The following RBPJ variants were observed in gnomAD, a reference collection of about 807,000 sequenced individuals.
RBPJ encodes the protein recombination signal binding protein for immunoglobulin kappa J region, also known as recombining binding protein suppressor of hairless.
In RBPJ, 9 loss-of-function variants were observed where a neutral mutation model predicts 67.8. The ratio of observed to expected loss-of-function variants is 0.13; its 90% CI spans 0.08 to 0.23. The LOEUF is 0.23. Among genes scored for constraint, RBPJ ranks in the 10% least tolerant of loss-of-function variants. The pLI is 1.00. For synonymous variants in RBPJ, 198 were observed against 203.3 expected, an observed-to-expected ratio of 0.97 and a Z score of 0.22; for missense variants, 305 against 595.6, an observed-to-expected ratio of 0.51 and a Z score of 5.08.
chr4:26,333,268 C>T (rs767541819), intron 1 of RBPJ, among the ~76,000 whole-genome samples: 51 of 152,224 alleles, frequency 3.4e-4, no homozygotes, highest in Admixed American at 7.2e-4. Flanking sequence ...GAAATGGAAA[C>T]GCTGACATTC....
intron 1 of RBPJ, among the ~76,000 whole-genome samples, chr4:26,351,992 C>A (rs968338115): frequency 2.0e-5 from 3 of 152,056 alleles, no homozygotes; most frequent in African/African-American, 7.2e-5. Flanking sequence ...CCCTTTCATA[C>A]CTACTTTGGG....
chr4:26,267,671 G>A (rs975943397), intron 1 of RBPJ, among the ~76,000 whole-genome samples: 4 of 151,740 alleles, frequency 2.6e-5, no homozygotes, highest in East Asian at 1.9e-4. Context: ...ACAGTGGCAC[G>A]ATCTCGGCTC....
chr4:26,376,838 T>C (rs115589796), intron 1 of RBPJ, among the ~76,000 whole-genome samples: 28 of 152,360 alleles, frequency 1.8e-4, no homozygotes, highest in African/African-American at 6.0e-4. Context: ...AGAGCCATCC[T>C]AATGGGTATG....
In RBPJ at chr4:26,356,276, C is replaced by T. The variant is rs576837177; in HGVS notation, c.21-30077C>T. Among the ~76,000 whole-genome samples the T allele has an allele frequency of 2.0e-5, 3 of 152,290 alleles. No homozygotes were observed. In the South Asian group the frequency reaches 6.2e-4, roughly 32 times the overall value. On this transcript the variant is annotated intron_variant, in intron 1 of 10. Transcript: ENST00000355476. ...GAGCTTGTGGCCTAGGTAAGCCTGC[C>T]AAGACAGGCTGCACATGCACTTGGG...
At chr4:26,245,030 A>G (rs1486214735) in intron 1 of RBPJ, among the ~76,000 whole-genome samples, 3 of 151,386 alleles carry the variant, frequency 2.0e-5, no homozygotes, top group South Asian at 2.1e-4. Context: ...TACATACCAT[A>G]AGAATCACCT....
chr4:26,215,725 G>C (rs1560215060), intron 1 of RBPJ, among the ~76,000 whole-genome samples: 1 of 152,148 alleles, frequency 6.6e-6, no homozygotes, highest in African/African-American at 2.4e-5. Flanking sequence ...CCTCAAAGCA[G>C]AGAGCGACAC....
At chr4:26,171,732 C>T (rs1367358874) in intron 1 of RBPJ, among the ~76,000 whole-genome samples, 2 of 152,174 alleles carry the variant, frequency 1.3e-5, no homozygotes, top group Non-Finnish European at 1.5e-5. Flanking sequence ...ATCCAAGATT[C>T]GTAAAGCTCA....
upstream of RBPJ, among the ~76,000 whole-genome samples, chr4:26,314,924 AC>A (rs1241464378): frequency 3.3e-5 from 5 of 151,792 alleles, no homozygotes; most frequent in African/African-American, 1.2e-4. Flanking sequence ...AGGTGGGCAG[AC>A]CATGAGATCA....
At chr4:26,187,271 G>A (rs1305978657) in intron 1 of RBPJ, among the ~76,000 whole-genome samples, 3 of 152,068 alleles carry the variant, frequency 2.0e-5, no homozygotes, top group Admixed American at 6.6e-5. Flanking sequence ...TTTCTTTTAC[G>A]GTCAGAAATC....
At chr4:26,372,956 C>T (rs1415195482) in intron 1 of RBPJ, among the ~76,000 whole-genome samples, 3 of 152,198 alleles carry the variant, frequency 2.0e-5, no homozygotes, top group South Asian at 2.1e-4. Flanking sequence ...AGGAAGGCAA[C>T]GTGACAGCTT....
chr4:26,306,106 C>T (rs953338702), intron 1 of RBPJ, among the ~76,000 whole-genome samples: 6 of 151,916 alleles, frequency 3.9e-5, no homozygotes, highest in African/African-American at 1.5e-4. Context: ...ATTTTCTATG[C>T]CTAAGATCAT....
intron 1 of RBPJ, among the ~76,000 whole-genome samples, chr4:26,201,550 C>T (rs1414764035): frequency 1.3e-5 from 2 of 152,138 alleles, no homozygotes; most frequent in Non-Finnish European, 2.9e-5. Flanking sequence ...CATTGCAAAA[C>T]CCCCACCGTT....
intron 1 of RBPJ, among the ~76,000 whole-genome samples, chr4:26,174,880 C>T (rs917685460): frequency 4.0e-5 from 6 of 151,790 alleles, no homozygotes; most frequent in Admixed American, 3.3e-4. Context: ...CACATCAAAC[C>T]GTAGATTTCA....
chr4:26,270,405 GAA>G lies in RBPJ; in HGVS notation c.-166-92039_-166-92038del, dbSNP rs1162247850. 2.7e-4 allele frequency among the ~76,000 whole-genome samples: 16 copies of G among 58,902 alleles called. 1 individual carries two copies. The highest frequency in any genetic ancestry group is 6.7e-4 in the African/African-American group (14 of 20,898). The allele number at this position is 58,902 out of a possible 152,430, so 38.6% of individuals were successfully genotyped here. A position where few individuals can be genotyped will look rare whatever the true frequency, so the allele number is the denominator to read the frequency against. On this transcript the variant is annotated intron_variant, in intron 1 of 4. Coordinates refer to the RBPJ transcript ENST00000512351. ...AGAAAGAAAGAAAGAAAGAAAGAAA[GAA>G]AGAAAGAAAGAAAGAAAGAAAGAAA...
chr4:26,234,785 C>T (rs1250383727), intron 1 of RBPJ, among the ~76,000 whole-genome samples: 1 of 152,086 alleles, frequency 6.6e-6, no homozygotes, highest in Non-Finnish European at 1.5e-5. Context: ...CTCCTACTCC[C>T]TGGTTCAAGC....
At chr4:26,393,720 T>G (rs1731782940) in intron 2 of RBPJ, among the ~76,000 whole-genome samples, 1 of 152,118 alleles carries the variant, frequency 6.6e-6, no homozygotes, top group African/African-American at 2.4e-5. Flanking sequence ...ATTTCTCCTT[T>G]AAAGAATATT....
At chr4:26,271,613 G>A (rs1720919071) in intron 1 of RBPJ, among the ~76,000 whole-genome samples, 1 of 152,046 alleles carries the variant, frequency 6.6e-6, no homozygotes, top group Admixed American at 6.5e-5. Flanking sequence ...TCCATCAGTA[G>A]GCAGATAGGG....
At chr4:26,235,832 T>C (rs1719434805) in intron 1 of RBPJ, among the ~76,000 whole-genome samples, 1 of 152,210 alleles carries the variant, frequency 6.6e-6, no homozygotes, top group Non-Finnish European at 1.5e-5. Context: ...CCCTTTAGGG[T>C]GAGAATGACA....
chr4:26,325,382 A>G (rs1161154388), intron 1 of RBPJ, among the ~76,000 whole-genome samples: 2 of 152,126 alleles, frequency 1.3e-5, no homozygotes, highest in African/African-American at 2.4e-5. Flanking sequence ...AAACCTTTCA[A>G]TGGCTCCCCC....
Sources: allele counts gnomAD v4.1 joint callset (sites outside exome capture counted in the v4.1 genomes callset), GRCh38; gene constraint gnomAD v4.1.1; transcripts MANE v1.5; gene names NCBI Gene and HGNC (gene_info 2026-07-23, HGNC 2026-07-21).